Variants in NCKAP5L observed in about 807,000 individuals in gnomAD.
NCKAP5L encodes the protein NCK associated protein 5 like, also known as nck-associated protein 5-like.
In NCKAP5L, 54 loss-of-function variants were observed where a neutral mutation model predicts 103.2. That is an observed-to-expected ratio of 0.52 (90% confidence interval 0.42 to 0.66). NCKAP5L has a LOEUF of 0.66. NCKAP5L is among the 30% of genes least tolerant of loss of function. The pLI is 0.00. For missense variants in NCKAP5L, 1,733 were observed against 1,750.6 expected (o/e 0.99, Z 0.18); for synonymous variants, 762 against 748.6 (o/e 1.02, Z -0.29).
intron 3 of NCKAP5L, 111 bp downstream of exon 3, chr12:49,803,811 G>C: frequency 7.2e-7 from 1 of 1,393,928 alleles, no homozygotes; most frequent in Non-Finnish European, 9.6e-7. Flanking sequence ...AGCAGGCCGA[G>C]AGGAAGGCCC....
At position 49,795,432 on chromosome 12, in the gene NCKAP5L, T is replaced by G; in HGVS notation, c.2428A>C (p.Ser810Arg). The G allele has an allele frequency of 6.3e-7, 1 of 1,582,640 alleles. No homozygotes were observed. The highest frequency in any genetic ancestry group is 1.2e-5 in the South Asian group (1 of 85,838). Residue 810 changes from serine (S) to arginine (R), a missense_variant, in exon 8 of 13, where the codon AGC becomes CGC. Ser to Arg is a moderately radical substitution (Grantham distance 110, BLOSUM62 -1). Coordinates refer to ENST00000335999, the MANE Select transcript of NCKAP5L (RefSeq NM_001037806.4). ...SAPSLGKPNK[S>R]PHSSPTKLPS... ...AGCTTGGTGGGGCTGCTGTGAGGGC[T>G]CTTATTGGGCTTGCCCAGGCTTGGG...
At chr12:49,825,711 C>G (rs2137047965) in intron 1 of NCKAP5L, among the ~76,000 whole-genome samples, 1 of 152,256 alleles carries the variant, frequency 6.6e-6, no homozygotes, top group Middle Eastern at 3.4e-3. Flanking sequence ...CCTCCTGCTG[C>G]AGCTTCACCT....
chr12:49,814,091 G>A (rs1296518419), intron 1 of NCKAP5L, among the ~76,000 whole-genome samples: 1 of 151,772 alleles, frequency 6.6e-6, no homozygotes, highest in Non-Finnish European at 1.5e-5. Context: ...TTACAGGGAT[G>A]AGCAACTTTG....
intron 1 of NCKAP5L, among the ~76,000 whole-genome samples, chr12:49,822,748 G>A (rs557285489): frequency 6.6e-6 from 1 of 151,916 alleles, no homozygotes; most frequent in South Asian, 2.1e-4. Flanking sequence ...AGGTTTCACC[G>A]TCTTAGTCAG....
intron 5 of NCKAP5L, chr12:49,802,691 C>A: frequency 5.7e-6 from 3 of 527,782 alleles, no homozygotes. Flanking sequence ...AACATCAACA[C>A]TGCTTTAAGG....
chr12:49,820,787 C>T (rs907938474), intron 1 of NCKAP5L, among the ~76,000 whole-genome samples: 9 of 152,208 alleles, frequency 5.9e-5, no homozygotes, highest in African/African-American at 2.2e-4. Flanking sequence ...CTGGTTCACC[C>T]ACAAGCCCCC....
In NCKAP5L at chr12:49,792,863, G is replaced by A. The variant is rs768334373; in HGVS notation, c.3464C>T (p.Pro1155Leu). Reference sequence around the variant, plus strand: ...GGGCCGAGCTGGGGGTACCCCAGGTGGGGGATCCAGCCGCGGTGGCTTGGT... The same window carrying A: ...GGGCCGAGCTGGGGGTACCCCAGGTAGGGGATCCAGCCGCGGTGGCTTGGT... ...PKTKPPRLDP[P>L]PGVPPARPPP... The change falls in exon 11 of 13, where the codon CCA (proline) becomes CTA (leucine). Residue 1155 changes from proline (P) to leucine (L), a missense_variant. Pro to Leu is a moderately conservative substitution (Grantham distance 98, BLOSUM62 -3). Transcript: ENST00000335999. The surrounding 1 kb of genome is among the most constrained non-coding windows in gnomAD (Gnocchi z 4.5). The A allele has an allele frequency of 2.6e-6, 4 of 1,545,176 alleles. No homozygotes were observed. Among genetic ancestry groups the A allele is most frequent in the Non-Finnish European group, 3.5e-6 (4 of 1,149,934 alleles).
intron 1 of NCKAP5L, among the ~76,000 whole-genome samples, chr12:49,817,445 A>C (rs1235753943): frequency 6.6e-6 from 1 of 152,196 alleles, no homozygotes; most frequent in Non-Finnish European, 1.5e-5. Flanking sequence ...CTGAGAATCC[A>C]AAATTCTCCA....
chr12:49,807,383 G>T (rs546814975), intron 1 of NCKAP5L, among the ~76,000 whole-genome samples: 5 of 152,242 alleles, frequency 3.3e-5, no homozygotes, highest in African/African-American at 1.2e-4. Context: ...TCACTGCCCA[G>T]GCTGGAGTTC....
At chr12:49,821,357 G>A (rs571295876) in intron 1 of NCKAP5L, among the ~76,000 whole-genome samples, 4 of 152,218 alleles carry the variant, frequency 2.6e-5, no homozygotes, top group African/African-American at 4.8e-5. Context: ...TGTGATGCGG[G>A]TGGGGGAAGA....
At chr12:49,826,420 G>A (rs1946417138) in intron 1 of NCKAP5L, among the ~76,000 whole-genome samples, 1 of 152,290 alleles carries the variant, frequency 6.6e-6, no homozygotes, top group Non-Finnish European at 1.5e-5. Flanking sequence ...CATATCCCAA[G>A]GCACCAGGGG....
At chr12:49,794,610 CCCA>C (rs1307403214) in intron 8 of NCKAP5L, among the ~76,000 whole-genome samples, 152 bp downstream of exon 8, 2 of 119,632 alleles carry the variant, frequency 1.7e-5, no homozygotes, top group East Asian at 2.3e-4. Flanking sequence ...CACTGACCCC[CCCA>C]CCAGCTGCTT....
chr12:49,824,861 C>T (rs1031477), intron 1 of NCKAP5L, among the ~76,000 whole-genome samples: 78,073 of 151,968 alleles, frequency 0.51, 20,452 homozygotes, highest in Non-Finnish European at 0.54. Context: ...TTTGAAGCTG[C>T]TTTTCCTCGG....
In NCKAP5L at chr12:49,796,007, G is replaced by A. The variant is rs971275019; in HGVS notation, c.1853C>T (p.Pro618Leu). 1 of 1,541,838 alleles carries A rather than the reference G, an allele frequency of 6.5e-7. No individual in the cohort carries two copies. Among genetic ancestry groups the A allele is most frequent in the South Asian group, 1.3e-5 (1 of 77,828 alleles). The change falls in exon 8 of 13, where the codon CCC (proline) becomes CTC (leucine). Residue 618 changes from proline to leucine, a missense_variant. By Grantham distance (98) the Pro-to-Leu change is moderately conservative. Transcript: ENST00000335999. ...CLPESYPYGS[P>L]QEKSLDKAGS... ...TGCCTTGTCCAAACTCTTCTCTTGG[G>A]GGCTCCCATAGGGGTACGATTCTGG... is the stretch of plus-strand genomic sequence containing the variant.
At position 49,795,602 on chromosome 12, in the gene NCKAP5L, G is replaced by T. The variant is rs1360302454; in HGVS notation, c.2258C>A (p.Ser753Tyr). The T allele has an allele frequency of 1.3e-6, 2 of 1,590,764 alleles. No homozygotes were observed. The highest frequency in any genetic ancestry group is 1.7e-6 in the Non-Finnish European group (2 of 1,169,008). Reference sequence around the variant, plus strand: ...CACCCGGGCCCCCATGGAGTGAGAGGAGTAGACTCGGGCCCCGGGATCCCC... The same window carrying T: ...CACCCGGGCCCCCATGGAGTGAGAGTAGTAGACTCGGGCCCCGGGATCCCC... ...LMGDPGARVY[S>Y]SHSMGARVDL... Residue 753 changes from serine (S) to tyrosine (Y), a missense_variant, in exon 8 of 13, where the codon TCC becomes TAC. Coordinates refer to ENST00000335999, the MANE Select transcript of NCKAP5L (RefSeq NM_001037806.4).
At position 49,798,286 on chromosome 12, in the gene NCKAP5L, C is replaced by T. The variant is rs1946080331; in HGVS notation, c.465+64G>A. The T allele has an allele frequency of 5.0e-6, 7 of 1,388,480 alleles. No homozygotes were observed. In the South Asian group the frequency reaches 7.4e-5, roughly 15 times the overall value. The allele number at this position is 1,388,480 out of a possible 1,614,324, so 86.0% of individuals were successfully genotyped here. ...AAACGTCTGAGCACTGGGAAACAGC[C>T]CTTCTCCAGATATTTGCTAGGAAAC... On this transcript the variant is annotated intron_variant, in intron 7 of 12. Coordinates refer to ENST00000335999, the MANE Select transcript of NCKAP5L (RefSeq NM_001037806.4).
At position 49,793,877 on chromosome 12, in the gene NCKAP5L, G is replaced by A; in HGVS notation, c.3115C>T (p.Pro1039Ser). Residue 1039 changes from proline (P) to serine (S), a missense_variant, in exon 9 of 13, where the codon CCA (proline) becomes TCA (serine). Coordinates refer to ENST00000335999, the MANE Select transcript of NCKAP5L (RefSeq NM_001037806.4). Reference sequence around the variant, plus strand: ...TTGGGCTCCCGCCAGCTCTTGGATGGCAGCTCCTTGCCATCCACCCTATGG... The same window carrying A: ...TTGGGCTCCCGCCAGCTCTTGGATGACAGCTCCTTGCCATCCACCCTATGG... ...LLNRVDGKELPSKSWREPKPE... is the reference protein window; with the variant it reads ...LLNRVDGKELSSKSWREPKPE... 6.4e-7 allele frequency: 1 copy of A among 1,556,566 alleles called. No homozygotes were observed. Among genetic ancestry groups the A allele is most frequent in the Non-Finnish European group, 8.7e-7 (1 of 1,151,980 alleles).
intron 1 of NCKAP5L, among the ~76,000 whole-genome samples, chr12:49,807,328 G>C (rs1328372755): frequency 6.6e-6 from 1 of 152,068 alleles, no homozygotes; most frequent in African/African-American, 2.4e-5. Flanking sequence ...AGGAAGACCT[G>C]TTTAATACTG....
chr12:49,801,633 TCAA>T (rs1470528423), intron 6 of NCKAP5L, among the ~76,000 whole-genome samples: 1 of 152,032 alleles, frequency 6.6e-6, no homozygotes. Flanking sequence ...CAAAGCTCTG[TCAA>T]CAAGAAGGGA....
Sources: gnomAD v4.1 joint callset for allele counts (sites outside exome capture counted in the v4.1 genomes callset) on GRCh38, gnomAD v4.1.1 for gene constraint, Gnocchi (gnomAD v3.1) non-coding constraint, MANE v1.5 for transcripts, NCBI Gene and HGNC (gene_info 2026-07-23, HGNC 2026-07-21) for gene names.